ENPP1: variants seen among roughly 807,000 people sequenced by gnomAD.
The protein encoded by ENPP1 is ectonucleotide pyrophosphatase/phosphodiesterase 1.
ENPP1 carries 73 observed loss-of-function variants against 122.8 expected under a neutral mutation model. The observed-to-expected ratio is 0.59, with a 90% CI of 0.49 to 0.72. The LOEUF is 0.72. Ranked by LOEUF, ENPP1 falls within the 30% of genes least tolerant of loss-of-function variation. ENPP1 has a pLI of 0.00. For synonymous variants in ENPP1, 367 were observed against 391.6 expected (o/e 0.94, Z 0.74); for missense variants, 978 against 1,128.1 (o/e 0.87, Z 1.91).
intron 5 of ENPP1, among the ~76,000 whole-genome samples, chr6:131,854,026 T>C (rs1781913681): frequency 6.6e-6 from 1 of 151,928 alleles, no homozygotes; most frequent in Non-Finnish European, 1.5e-5. Context: ...ATTATTTCTT[T>C]GTTGTTTATA....
At chr6:131,811,504 G>A (rs1195301792) in intron 1 of ENPP1, among the ~76,000 whole-genome samples, 4 of 151,944 alleles carry the variant, frequency 2.6e-5, no homozygotes, top group Non-Finnish European at 5.9e-5. Context: ...AAGTTGCCCT[G>A]AGTAGATGCT....
At chr6:131,835,759 C>A (rs576346568) in intron 1 of ENPP1, among the ~76,000 whole-genome samples, 1 of 152,074 alleles carries the variant, frequency 6.6e-6, no homozygotes, top group Non-Finnish European at 1.5e-5. Context: ...GTTGTTCCCC[C>A]CTCATGTGTC....
rs879243445 is a variant in ENPP1, at chr6:131,847,856, G to GTTGTGTGTGT, written c.313+8_313+9insTTGTGTGTGT. ...CAAGCTGTGCCAAAGAAGGTAATTA[G>GTTGTGTGTGT]GTGTGTGTGTGTGTGTGTGTGTGTG... On this transcript the variant is annotated intron_variant, in intron 2 of 24. Transcript: ENST00000647893. 180 of 1,182,054 alleles carry GTTGTGTGTGT rather than the reference G, an allele frequency of 1.5e-4. 3 individuals carry two copies. The South Asian group carries it at 2.1e-3, about 14-fold the overall frequency. The allele number at this position is 1,182,054 out of a possible 1,614,324, so 73.2% of individuals were successfully genotyped here. A position where few individuals can be genotyped will look rare whatever the true frequency, so the allele number is the denominator to read the frequency against.
chr6:131,889,452 T>C (rs1782433822), intron 24 of ENPP1, among the ~76,000 whole-genome samples: 1 of 152,090 alleles, frequency 6.6e-6, no homozygotes. Flanking sequence ...TTCTCATCCT[T>C]CAGCTCCCTC....
At chr6:131,847,673 C>T (rs919852998) in intron 1 of ENPP1, 103 bp from the exon 2 acceptor site, 2 of 831,936 alleles carry the variant, frequency 2.4e-6, no homozygotes, top group African/African-American at 3.4e-5. Flanking sequence ...GCCACTGTAC[C>T]CTAGCCTGGG....
rs768971506 is a variant in ENPP1 at position 131,879,917 on chromosome 6, A to T, written c.1983A>T (p.Arg661Ser). Residue 661 changes from arginine to serine, a missense_variant, in exon 20 of 25, where the codon AGA (arginine) becomes AGT (serine). Arg to Ser is a moderately radical substitution (Grantham distance 110). This residue lies in a region of ENPP1 where 644 missense variants were observed against 781.5 expected (regional missense o/e 0.82). Coordinates refer to ENST00000647893, the MANE Select transcript of ENPP1 (RefSeq NM_006208.3). ...AGCATGAAACTTTACCCTATGGAAGACCTAGAGTTCTCCAGAAGGAAAACA... is the reference window on the plus strand; with the variant it reads ...AGCATGAAACTTTACCCTATGGAAGTCCTAGAGTTCTCCAGAAGGAAAACA... ...IIKHETLPYGRPRVLQKENTI... is the reference protein window; with the variant it reads ...IIKHETLPYGSPRVLQKENTI... The T allele has an allele frequency of 1.1e-5, 17 of 1,613,938 alleles. No individual in the cohort carries two copies. In the South Asian group the frequency reaches 1.9e-4, roughly 18 times the overall value.
intron 14 of ENPP1, among the ~76,000 whole-genome samples, 154 bp from the exon 15 acceptor site, chr6:131,872,769 C>T (rs1289132329): frequency 6.6e-6 from 1 of 151,984 alleles, no homozygotes; most frequent in Non-Finnish European, 1.5e-5. Context: ...AAAAAAATTT[C>T]ATATGAAGTT....
chr6:131,872,549 C>T (rs1473532947), intron 14 of ENPP1, among the ~76,000 whole-genome samples: 1 of 152,006 alleles, frequency 6.6e-6, no homozygotes, highest in Non-Finnish European at 1.5e-5. Context: ...CTTACAATTG[C>T]ACTTACAAGG....
chr6:131,827,880 C>A (rs547433083), intron 1 of ENPP1: 16 of 1,407,310 alleles, frequency 1.1e-5, no homozygotes, highest in Non-Finnish European at 1.5e-5. Flanking sequence ...GTTTCAGAGG[C>A]CTCACTGACT....
rs79079368 is a variant in ENPP1 at position 131,877,099 on chromosome 6, C to G, written c.1831C>G (p.Leu611Val). ...TPKHPKEVHP[L>V]VQCPFTRNPR... ...AAAGCATCCCAAAGAAGTGCACCCC[C>G]TGGTACAGTGCCCCTTCACAAGAAA... Residue 611 changes from leucine to valine, a missense_variant, in exon 18 of 25, where the codon CTG (leucine) becomes GTG (valine). Physicochemically the swap from Leu to Val is conservative, Grantham distance 32. Around this residue, in one of 3 missense-constraint regions of ENPP1, gnomAD observed 644 missense variants for 781.5 expected, o/e 0.82. Transcript: ENST00000647893. The G allele has an allele frequency of 4.2e-3, 6,731 of 1,614,056 alleles. 150 individuals carry two copies. In the African/African-American group the frequency reaches 0.049, roughly 12 times the overall value.
intron 24 of ENPP1, among the ~76,000 whole-genome samples, chr6:131,889,220 T>TA (rs1209046587): frequency 2.0e-5 from 3 of 152,188 alleles, no homozygotes; most frequent in African/African-American, 7.2e-5. Context: ...CAGCCTCTTT[T>TA]AAAAAAATTT....
At chr6:131,883,855 T>C (rs1263362426) in intron 22 of ENPP1, 81 bp downstream of exon 22, 16 of 757,360 alleles carry the variant, frequency 2.1e-5, no homozygotes, top group Non-Finnish European at 1.9e-5. Flanking sequence ...ATAGGACTTA[T>C]GGTCTAAATT....
chr6:131,838,163 G>A (rs1476732568), intron 1 of ENPP1, among the ~76,000 whole-genome samples: 2 of 151,998 alleles, frequency 1.3e-5, no homozygotes, highest in Non-Finnish European at 2.9e-5. Context: ...AAAGTTTAAA[G>A]CTATTAGAGA....
Position 131,878,600 on chromosome 6 carries a change from C to A in ENPP1, c.1945+7C>A. ...AATCTGACTGTGGCAGAAGGTAAGG[C>A]ATGCTACACACTCAAGCTCGGAATG... On this transcript the variant is annotated splice_region_variant and intron_variant, in intron 19 of 24. Transcript: ENST00000647893. 1 of 1,605,778 alleles carries A rather than the reference C, an allele frequency of 6.2e-7. No individual in the cohort carries two copies. Among genetic ancestry groups the A allele is most frequent in the Non-Finnish European group, 8.5e-7 (1 of 1,172,628 alleles).
chr6:131,886,520 T>A lies in ENPP1; in HGVS notation c.2445-42T>A, dbSNP rs756820784. 23 of 1,406,006 alleles carry A rather than the reference T, an allele frequency of 1.6e-5. 2 individuals carry two copies. In the Admixed American group the frequency reaches 3.5e-4, roughly 21 times the overall value. 87.1% of individuals were successfully genotyped at this position (1,406,006 alleles called of 1,614,324 possible). On this transcript the variant is annotated intron_variant, in intron 23 of 24. Coordinates refer to ENST00000647893, the MANE Select transcript of ENPP1 (RefSeq NM_006208.3). ...ACTGAAATATTCATCAAAAGGAAGA[T>A]AGTTATTTCTTTCTTAAAATGAATA...
At chr6:131,868,242 C>T in intron 12 of ENPP1, 116 bp downstream of exon 12, 1 of 743,280 alleles carries the variant, frequency 1.3e-6, no homozygotes. Flanking sequence ...AATGTAGTTT[C>T]TTATGGACAG....
intron 1 of ENPP1, among the ~76,000 whole-genome samples, chr6:131,818,774 A>C (rs1031257619): frequency 5.9e-5 from 9 of 152,228 alleles, no homozygotes; most frequent in Non-Finnish European, 1.3e-4. Flanking sequence ...ATACTGAAGT[A>C]CTGTTTTCTA....
chr6:131,847,875 G>A (rs773639944), intron 2 of ENPP1, 27 bp downstream of exon 2: 1 of 1,446,662 alleles, frequency 6.9e-7, no homozygotes, highest in Non-Finnish European at 9.7e-7. Context: ...GTGTGTGTGT[G>A]TGTGTGTGTG....
chr6:131,829,364 C>T (rs1056453417), intron 1 of ENPP1, among the ~76,000 whole-genome samples: 13 of 152,138 alleles, frequency 8.5e-5, no homozygotes, highest in African/African-American at 3.1e-4. Flanking sequence ...GACAATTTTT[C>T]TTTTCTTTTT....
Sources: gnomAD v4.1 joint callset for allele counts (sites outside exome capture counted in the v4.1 genomes callset) on GRCh38, gnomAD v4.1.1 for gene constraint, gnomAD v4.1.1 regional missense constraint, MANE v1.5 for transcripts, NCBI Gene and HGNC (gene_info 2026-07-23, HGNC 2026-07-21) for gene names.